The following PITPNM2 variants were observed in gnomAD, a reference collection of about 807,000 sequenced individuals.
The protein encoded by PITPNM2 is phosphatidylinositol transfer protein membrane associated 2.
In PITPNM2, 35 loss-of-function variants were observed where a neutral mutation model predicts 132.2. The ratio of observed to expected loss-of-function variants is 0.26; its 90% CI spans 0.20 to 0.35. PITPNM2 has a LOEUF of 0.35. Among genes scored for constraint, PITPNM2 ranks in the 10% least tolerant of loss-of-function variants. The pLI is 1.00. For synonymous variants in PITPNM2, 738 were observed against 799.2 expected (o/e 0.92, Z 1.29); for missense variants, 1,332 against 1,912.0 (o/e 0.70, Z 5.66).
At chr12:123,109,724 C>A (rs377472210) in intron 2 of PITPNM2, among the ~76,000 whole-genome samples, 1 of 152,112 alleles carries the variant, frequency 6.6e-6, no homozygotes, top group African/African-American at 2.4e-5. Flanking sequence ...GTAGAGCAGG[C>A]CAGGCTAAGC....
chr12:123,073,948 A>T (rs1428701085), intron 2 of PITPNM2, among the ~76,000 whole-genome samples: 1 of 152,128 alleles, frequency 6.6e-6, no homozygotes, highest in Non-Finnish European at 1.5e-5. Context: ...TCCTCACCCA[A>T]CCTCCTTGGC....
At chr12:123,002,188 T>C (rs766517183) in intron 8 of PITPNM2, among the ~76,000 whole-genome samples, 3 of 151,566 alleles carry the variant, frequency 2.0e-5, no homozygotes, top group Non-Finnish European at 4.4e-5. Context: ...ATACAAAAAT[T>C]AGGCAGGCAT....
rs1364158542 is a variant in PITPNM2, at chr12:122,983,929, CCT to C, written c.*2096_*2097del. The C allele has an allele frequency of 6.5e-6, 1 of 152,714 alleles. No homozygotes were observed. The highest frequency in any genetic ancestry group is 1.5e-5 in the Non-Finnish European group (1 of 68,068). 9.5% of individuals were successfully genotyped at this position (152,714 alleles called of 1,614,324 possible). A position where few individuals can be genotyped will look rare whatever the true frequency, so the allele number is the denominator to read the frequency against. On this transcript the variant is annotated 3_prime_UTR_variant, in exon 26 of 26. Coordinates refer to ENST00000320201, the MANE Select transcript of PITPNM2 (RefSeq NM_020845.3). The stretch of plus-strand genomic sequence containing the variant: ...GGTATTTTTAAAGGACGCTGCCCTC[CCT>C]CTCTTAGTTTCAGAAAGACTGGTAC...
rs1304006970 is a variant in PITPNM2, at chr12:123,077,748, A to T, written c.-96+32637T>A. On this transcript the variant is annotated intron_variant, in intron 2 of 25. Transcript: ENST00000320201. This position sits in a 1 kb window ranked among gnomAD's most constrained non-coding sequence, Gnocchi z 4.8. ...CAGACAGAGCCTTCCTTGCTAATAA[A>T]CCCATCCTGAGGCTGTGACATGTTT... 6.6e-6 allele frequency among the ~76,000 whole-genome samples: 1 copy of T among 151,942 alleles called. No individual in the cohort carries two copies. The highest frequency in any genetic ancestry group is 1.5e-5 in the Non-Finnish European group (1 of 68,002).
At position 123,000,874 on chromosome 12, in the gene PITPNM2, T is replaced by C; in HGVS notation, c.1154-26A>G. Reference sequence around the variant, plus strand: ...CTGCAAAGACACAGAAGCCGTGCTGTGAGCTGAGGGGCAGCCCAACCTGGC... The same window carrying C: ...CTGCAAAGACACAGAAGCCGTGCTGCGAGCTGAGGGGCAGCCCAACCTGGC... On this transcript the variant is annotated intron_variant, in intron 9 of 25. Coordinates refer to ENST00000320201, the MANE Select transcript of PITPNM2 (RefSeq NM_020845.3). This position sits in a 1 kb window ranked among gnomAD's most constrained non-coding sequence, Gnocchi z 5.4. 1.9e-6 allele frequency: 3 copies of C among 1,613,778 alleles called. No individual in the cohort carries two copies. The highest frequency in any genetic ancestry group is 2.5e-6 in the Non-Finnish European group (3 of 1,179,882).
At position 122,990,717 on chromosome 12, in the gene PITPNM2, T is replaced by C. The variant is rs1440436885; in HGVS notation, c.2405-8A>G. 1 of 1,593,986 alleles carries C rather than the reference T, an allele frequency of 6.3e-7. No homozygotes were observed. ...GGGTCTGGAGCACATCCGCTGCAGGTGGACAGGGACCAGAGGCCAGGTAAG... is the reference window on the plus strand; with the variant it reads ...GGGTCTGGAGCACATCCGCTGCAGGCGGACAGGGACCAGAGGCCAGGTAAG... On this transcript the variant is annotated splice_polypyrimidine_tract_variant and splice_region_variant and intron_variant, in intron 16 of 25. Coordinates refer to ENST00000320201, the MANE Select transcript of PITPNM2 (RefSeq NM_020845.3).
Position 123,023,050 on chromosome 12 carries a change from C to T in PITPNM2, c.79-9008G>A, listed in dbSNP as rs2039728528. On this transcript the variant is annotated intron_variant, in intron 3 of 25. Transcript: ENST00000320201. The surrounding 1 kb of genome is among the most constrained non-coding windows in gnomAD (Gnocchi z 4.8). ...CCAGCAGCTTCTCCTGCCCATTAGC[C>T]CTGACATGGAATTTATTGCACAGCT... is the stretch of plus-strand genomic sequence containing the variant. Among the ~76,000 whole-genome samples the T allele has an allele frequency of 1.3e-5, 2 of 152,234 alleles. No individual in the cohort carries two copies. The highest frequency in any genetic ancestry group is 1.5e-5 in the Non-Finnish European group (1 of 68,036).
chr12:123,073,755 G>A (rs184699366), intron 2 of PITPNM2, among the ~76,000 whole-genome samples: 18 of 152,318 alleles, frequency 1.2e-4, no homozygotes, highest in South Asian at 1.0e-3. Flanking sequence ...ACAGTGTAGA[G>A]TGGCCTCGTA....
In PITPNM2 at chr12:123,000,872, T is replaced by C. The variant is rs745928398; in HGVS notation, c.1154-24A>G. The C allele has an allele frequency of 1.9e-6, 3 of 1,613,756 alleles. No homozygotes were observed. In the East Asian group the frequency reaches 6.7e-5, roughly 36 times the overall value. Reference sequence around the variant, plus strand: ...ATCTGCAAAGACACAGAAGCCGTGCTGTGAGCTGAGGGGCAGCCCAACCTG... The same window carrying C: ...ATCTGCAAAGACACAGAAGCCGTGCCGTGAGCTGAGGGGCAGCCCAACCTG... On this transcript the variant is annotated intron_variant, in intron 9 of 25. Transcript: ENST00000320201. This position sits in a 1 kb window ranked among gnomAD's most constrained non-coding sequence, Gnocchi z 5.4.
intron 1 of PITPNM2, among the ~76,000 whole-genome samples, chr12:123,112,398 T>C (rs2042856354): frequency 6.6e-6 from 1 of 152,184 alleles, no homozygotes. Flanking sequence ...TTGTTGCATG[T>C]AATGTACGTT....
At chr12:122,989,591 C>T (rs1306811416) in intron 18 of PITPNM2, among the ~76,000 whole-genome samples, 196 bp downstream of exon 18, 3 of 152,164 alleles carry the variant, frequency 2.0e-5, no homozygotes, top group Admixed American at 6.5e-5. Context: ...ACTCCAGCTC[C>T]GTGGGGTCCC....
intron 2 of PITPNM2, among the ~76,000 whole-genome samples, chr12:123,047,882 T>A (rs1460913478): frequency 6.6e-6 from 1 of 152,064 alleles, no homozygotes; most frequent in East Asian, 1.9e-4. Flanking sequence ...AGGCAGATCA[T>A]GAGGTCAGAA....
rs1416401235 is a variant in PITPNM2, at chr12:123,021,500, G to C, written c.79-7458C>G. 3.3e-5 allele frequency among the ~76,000 whole-genome samples: 5 copies of C among 152,104 alleles called. No homozygotes were observed. In the East Asian group the frequency reaches 9.6e-4, roughly 29 times the overall value. On this transcript the variant is annotated intron_variant, in intron 3 of 25. Coordinates refer to ENST00000320201, the MANE Select transcript of PITPNM2 (RefSeq NM_020845.3). ...GCGTGCACCCCACCACACCCAGCTA[G>C]TTTTTTATTTTTTTGTAGAGTGCCT...
chr12:123,037,985 GGACAGA>G (rs1249806629), intron 2 of PITPNM2, among the ~76,000 whole-genome samples: 2 of 151,992 alleles, frequency 1.3e-5, no homozygotes, highest in Non-Finnish European at 2.9e-5. Context: ...GCAGGCAGAG[GGACAGA>G]GACAGAGAGG....
intron 1 of PITPNM2, among the ~76,000 whole-genome samples, chr12:123,127,836 C>G (rs1471657892): frequency 6.6e-6 from 1 of 152,114 alleles, no homozygotes; most frequent in South Asian, 2.1e-4. Context: ...GTATCAATCT[C>G]CTGACCTCGT....
At chr12:122,988,913 C>T (rs1481793006) in intron 18 of PITPNM2, 41 bp from the exon 19 acceptor site, 16 of 1,502,332 alleles carry the variant, frequency 1.1e-5, no homozygotes, top group African/African-American at 1.4e-5. Flanking sequence ...CTGTATAGCC[C>T]CAGACAGGGA....
intron 1 of PITPNM2, among the ~76,000 whole-genome samples, chr12:123,132,796 T>G (rs1462661652): frequency 6.6e-6 from 1 of 152,194 alleles, no homozygotes; most frequent in African/African-American, 2.4e-5. Context: ...CTGACTTCTT[T>G]CATTTAAAAT....
Position 122,986,551 on chromosome 12 carries a change from A to G in PITPNM2, c.3611T>C (p.Val1204Ala). The change falls in exon 25 of 26, where the codon GTG becomes GCG. Residue 1204 changes from valine to alanine, a missense_variant. Val to Ala is a moderately conservative substitution (Grantham distance 64, BLOSUM62 0). Around this residue, in one of 6 missense-constraint regions of PITPNM2, gnomAD observed 251 missense variants for 472.0 expected, o/e 0.53. Transcript: ENST00000320201. ...KLLISELHLRVHAAYGSTKDV... is the reference protein window; with the variant it reads ...KLLISELHLRAHAAYGSTKDV... Reference sequence around the variant, plus strand: ...CTTGGTGGAGCCATAGGCCGCGTGCACGCGCAGGTGCAGCTGTGGGGAGAC... The same window carrying G: ...CTTGGTGGAGCCATAGGCCGCGTGCGCGCGCAGGTGCAGCTGTGGGGAGAC... 1 of 1,598,076 alleles carries G rather than the reference A, an allele frequency of 6.3e-7. No homozygotes were observed. Among genetic ancestry groups the G allele is most frequent in the South Asian group, 1.1e-5 (1 of 89,814 alleles).
rs2043695221 is a variant in PITPNM2, at chr12:123,150,014, G to A, written c.-200+739C>T. ...TCTGCAGGAGCAAGTCGGTGGAAAG[G>A]GGACAAGCCTGGAGGACTTGCCTTG... On this transcript the variant is annotated intron_variant, in intron 1 of 25. Coordinates refer to ENST00000320201, the MANE Select transcript of PITPNM2 (RefSeq NM_020845.3). This position sits in a 1 kb window ranked among gnomAD's most constrained non-coding sequence, Gnocchi z 6.0. The A allele has an allele frequency of 1.3e-5, 2 of 152,258 alleles. No homozygotes were observed. The highest frequency in any genetic ancestry group is 4.1e-4 in the South Asian group (2 of 4,830). 9.4% of individuals were successfully genotyped at this position (152,258 alleles called of 1,614,324 possible). A position where few individuals can be genotyped will look rare whatever the true frequency, so the allele number is the denominator to read the frequency against.
Sources: gnomAD v4.1 joint callset for allele counts (sites outside exome capture counted in the v4.1 genomes callset) on GRCh38, gnomAD v4.1.1 for gene constraint, gnomAD v4.1.1 regional missense constraint, Gnocchi (gnomAD v3.1) non-coding constraint, MANE v1.5 for transcripts, NCBI Gene and HGNC (gene_info 2026-07-23, HGNC 2026-07-21) for gene names.